The following KANK1 variants were observed in gnomAD, a reference collection of about 807,000 sequenced individuals.
The protein encoded by KANK1 is KN motif and ankyrin repeat domain-containing protein 1.
KANK1 carries 109 observed loss-of-function variants against 106.2 expected under a neutral mutation model. The observed-to-expected ratio is 1.03, with a 90% CI of 0.88 to 1.20. The LOEUF is 1.20. Among genes scored for constraint, KANK1 ranks in the 50% most tolerant of loss-of-function variants. KANK1 has a pLI of 0.00. For missense variants in KANK1, 2,399 were observed against 1,710.7 expected, an observed-to-expected ratio of 1.40 and a Z score of -7.10; for synonymous variants, 873 against 652.2, an observed-to-expected ratio of 1.34 and a Z score of -5.16.
chr9:545,987 A>T (rs1197031573), intron 1 of KANK1, among the ~76,000 whole-genome samples: 1 of 151,906 alleles, frequency 6.6e-6, no homozygotes, highest in Non-Finnish European at 1.5e-5. Flanking sequence ...ACCTCAAGTG[A>T]TCCACCCGCC....
chr9:741,421 G>A (rs1473333832), intron 9 of KANK1, among the ~76,000 whole-genome samples: 1 of 150,350 alleles, frequency 6.7e-6, no homozygotes, highest in East Asian at 2.0e-4. Context: ...CTCCCTGGTT[G>A]CAGTGATTCT....
intron 2 of KANK1, chr9:686,992 T>G: frequency 1.1e-6 from 1 of 935,140 alleles, no homozygotes; most frequent in Middle Eastern, 5.5e-4. Flanking sequence ...CCTGGATGCT[T>G]TGAGATGAGA....
At chr9:526,238 A>G (rs931895688) in intron 1 of KANK1, among the ~76,000 whole-genome samples, 3 of 151,796 alleles carry the variant, frequency 2.0e-5, no homozygotes, top group African/African-American at 7.3e-5. Flanking sequence ...AGAGAACGGG[A>G]CGGCAGAGCA....
intron 2 of KANK1, among the ~76,000 whole-genome samples, chr9:471,889 T>C (rs1319666463): frequency 2.6e-5 from 4 of 152,120 alleles, no homozygotes; most frequent in Non-Finnish European, 4.4e-5. Context: ...GCTAGCCACA[T>C]GAGGATATGT....
chr9:654,101 C>A (rs7021495), intron 1 of KANK1, among the ~76,000 whole-genome samples: 49,200 of 151,992 alleles, frequency 0.32, 9,368 homozygotes, highest in East Asian at 0.55. Context: ...AAGAGCAGAT[C>A]GTTTTTACTT....
rs975753628 is a variant in KANK1 at position 745,356 on chromosome 9, A to C, written c.*121A>C. 34 of 1,279,228 alleles carry C rather than the reference A, an allele frequency of 2.7e-5. 1 individual carries two copies. In the Admixed American group the frequency reaches 4.6e-4, roughly 17 times the overall value. 79.2% of individuals were successfully genotyped at this position (1,279,228 alleles called of 1,614,324 possible). ...AGCTCACCAGCAAACAGAAGCATCAAGCCCAGGGGTAAAGGCTGAAGCTTT... is the reference window on the plus strand; with the variant it reads ...AGCTCACCAGCAAACAGAAGCATCACGCCCAGGGGTAAAGGCTGAAGCTTT... On this transcript the variant is annotated 3_prime_UTR_variant, in exon 12 of 12. Transcript: ENST00000382297.
At chr9:543,703 G>C (rs7048280) in intron 1 of KANK1, among the ~76,000 whole-genome samples, 10,402 of 152,228 alleles carry the variant, frequency 0.068, 415 homozygotes, top group African/African-American at 0.086. Flanking sequence ...TATGCTGTCA[G>C]TGCAGATGGA....
rs141554059 is a variant in KANK1 at position 548,641 on chromosome 9, G to A, written c.-84+43887G>A. Among the ~76,000 whole-genome samples the A allele has an allele frequency of 8.3e-4, 126 of 152,210 alleles. 1 individual carries two copies. Among genetic ancestry groups the A allele is most frequent in the African/African-American group, 2.9e-3 (121 of 41,526 alleles). ...AAACACCCCTACCAACTAACCCATC[G>A]TGTATTTTTATGTGTGTATAGAAAA... On this transcript the variant is annotated intron_variant, in intron 1 of 11. Coordinates refer to ENST00000382297, the MANE Select transcript of KANK1 (RefSeq NM_015158.5).
At chr9:596,524 C>G (rs764487448) in intron 1 of KANK1, among the ~76,000 whole-genome samples, 6 of 151,630 alleles carry the variant, frequency 4.0e-5, no homozygotes, top group South Asian at 2.1e-4. Context: ...TATTTACCAC[C>G]CCTGGTTTTG....
At chr9:538,192 T>G (rs1481766507) in intron 1 of KANK1, among the ~76,000 whole-genome samples, 2 of 151,342 alleles carry the variant, frequency 1.3e-5, no homozygotes, top group Non-Finnish European at 2.9e-5. Context: ...AAAAAAAAAG[T>G]TAATAATAGT....
chr9:712,853 C>G lies in KANK1; in HGVS notation c.2087C>G (p.Thr696Ser). ...TETATLIESC[T>S]NTCLSTLDKQ... ...ACGGCCACCCTCATAGAGTCCTGCA[C>G]CAACACTTGTCTAAGCACTTTGGAC... Residue 696 changes from threonine to serine, a missense_variant, in exon 3 of 12, where the codon ACC becomes AGC. Coordinates refer to ENST00000382297, the MANE Select transcript of KANK1 (RefSeq NM_015158.5). 1.2e-6 allele frequency: 2 copies of G among 1,613,784 alleles called. No homozygotes were observed. Among genetic ancestry groups the G allele is most frequent in the African/African-American group, 1.3e-5 (1 of 74,944 alleles).
At chr9:548,163 G>C (rs965870531) in intron 1 of KANK1, among the ~76,000 whole-genome samples, 2 of 152,122 alleles carry the variant, frequency 1.3e-5, no homozygotes, top group African/African-American at 4.8e-5. Flanking sequence ...AAAATAATAT[G>C]TATTATGGAT....
intron 10 of KANK1, among the ~76,000 whole-genome samples, chr9:744,245 G>A (rs1462909468): frequency 6.6e-6 from 1 of 152,158 alleles, no homozygotes; most frequent in Admixed American, 6.5e-5. Flanking sequence ...CTCCTGGTGG[G>A]CAGAATGGTT....
intron 1 of KANK1, among the ~76,000 whole-genome samples, chr9:504,960 T>A (rs572643786): frequency 2.8e-4 from 42 of 147,394 alleles, no homozygotes; most frequent in African/African-American, 9.4e-4. Flanking sequence ...GGGGCGGTCC[T>A]GGGGGGGGGT....
chr9:731,258 T>A lies in KANK1; in HGVS notation c.2997T>A (p.Ile999=). ...GAKKNLQFVG[I]NGGYETTSSD... Reference sequence around the variant, plus strand: ...AAAAGAATCTTCAGTTTGTTGGCATTAATGGAGGGTAAGGAAAGATGGTGG... The same window carrying A: ...AAAAGAATCTTCAGTTTGTTGGCATAAATGGAGGGTAAGGAAAGATGGTGG... Residue 999 remains isoleucine (I), a synonymous_variant, in exon 5 of 12, where the codon ATT becomes ATA. Transcript: ENST00000382297. The A allele has an allele frequency of 6.3e-7, 1 of 1,580,650 alleles. No individual in the cohort carries two copies. The highest frequency in any genetic ancestry group is 8.7e-7 in the Non-Finnish European group (1 of 1,150,428).
chr9:625,585 G>GA (rs149343773), intron 1 of KANK1, among the ~76,000 whole-genome samples: 23 of 147,106 alleles, frequency 1.6e-4, no homozygotes, highest in East Asian at 5.9e-4. Flanking sequence ...GGAGTATCTG[G>GA]AAAAAAAAAA....
At chr9:648,335 GTAGT>G (rs1460942024) in intron 1 of KANK1, among the ~76,000 whole-genome samples, 3 of 152,014 alleles carry the variant, frequency 2.0e-5, no homozygotes, top group East Asian at 1.9e-4. Context: ...TAACTGCATA[GTAGT>G]TAGTTTCTCT....
chr9:491,448 T>C (rs1010497019), intron 3 of KANK1, among the ~76,000 whole-genome samples: 1 of 151,886 alleles, frequency 6.6e-6, no homozygotes, highest in Non-Finnish European at 1.5e-5. Flanking sequence ...TTGTATTTTT[T>C]AGTAGAGATG....
Position 519,709 on chromosome 9 carries a change from C to T in KANK1, c.-84+14955C>T, listed in dbSNP as rs929703295. ...TTATAACCTCGATCCTTGTTTTATC[C>T]TCCATCAGTTAGAGATTAATTACAT... On this transcript the variant is annotated intron_variant, in intron 1 of 11. Coordinates refer to ENST00000382297, the MANE Select transcript of KANK1 (RefSeq NM_015158.5). Among the ~76,000 whole-genome samples the T allele has an allele frequency of 9.9e-5, 15 of 151,886 alleles. No individual in the cohort carries two copies. In the East Asian group the frequency reaches 2.9e-3, roughly 29 times the overall value.
Sources: gnomAD v4.1 joint callset for allele counts (sites outside exome capture counted in the v4.1 genomes callset) on GRCh38, gnomAD v4.1.1 for gene constraint, MANE v1.5 for transcripts, NCBI Gene and HGNC (gene_info 2026-07-23, HGNC 2026-07-21) for gene names.